Variants in LRP1B observed in about 807,000 individuals in gnomAD.
LRP1B encodes LDL receptor related protein 1B, also known as low-density lipoprotein receptor-related protein 1B.
Under a neutral mutation model 556.6 loss-of-function variants are expected in LRP1B, and 217 were observed. The observed-to-expected ratio is 0.39, with a 90% CI of 0.35 to 0.44. The LOEUF is 0.44. Ranked by LOEUF, LRP1B falls within the 20% of genes least tolerant of loss-of-function variation. LRP1B has a pLI of 1.00. For synonymous variants in LRP1B, 2,047 were observed against 1,865.8 expected (o/e 1.10, Z -2.50); for missense variants, 5,053 against 5,620.8 (o/e 0.90, Z 3.23).
intron 23 of LRP1B, among the ~76,000 whole-genome samples, chr2:140,890,693 T>C (rs781437222): frequency 3.3e-5 from 5 of 152,074 alleles, no homozygotes; most frequent in African/African-American, 4.8e-5. Flanking sequence ...TAAAGATCTA[T>C]GTTGACTTAT....
chr2:140,896,779 C>T (rs1693967242), intron 23 of LRP1B, among the ~76,000 whole-genome samples: 1 of 151,450 alleles, frequency 6.6e-6, no homozygotes, highest in East Asian at 1.9e-4. Flanking sequence ...CCATGCCCAG[C>T]CAAAAGCCTG....
chr2:141,353,352 C>T (rs1286962615), intron 3 of LRP1B, among the ~76,000 whole-genome samples: 1 of 151,876 alleles, frequency 6.6e-6, no homozygotes, highest in African/African-American at 2.4e-5. Context: ...AGAGGGGAGC[C>T]ACCAGCCACC....
intron 41 of LRP1B, among the ~76,000 whole-genome samples, chr2:140,645,477 A>T (rs796993417): frequency 2.0e-5 from 3 of 150,880 alleles, no homozygotes. Context: ...CTGAGTAAGA[A>T]ATTATTCTTT....
chr2:140,795,077 A>T (rs1573728492), intron 32 of LRP1B, among the ~76,000 whole-genome samples: 1 of 152,316 alleles, frequency 6.6e-6, no homozygotes, highest in African/African-American at 2.4e-5. Flanking sequence ...TGATTTTTTT[A>T]AATCTAATTT....
intron 35 of LRP1B, among the ~76,000 whole-genome samples, chr2:140,761,117 C>T (rs751585269): frequency 6.6e-6 from 1 of 152,094 alleles, no homozygotes; most frequent in East Asian, 1.9e-4. Flanking sequence ...TAATTTCTGC[C>T]TAAAGGACTT....
chr2:141,887,247 T>C (rs1218697987), intron 1 of LRP1B, among the ~76,000 whole-genome samples: 8 of 152,090 alleles, frequency 5.3e-5, no homozygotes, highest in Admixed American at 4.6e-4. Context: ...CCGCCAGCCT[T>C]GGGCTCCCGA....
intron 43 of LRP1B, among the ~76,000 whole-genome samples, chr2:140,576,360 A>C (rs1028054090): frequency 6.6e-6 from 1 of 152,202 alleles, no homozygotes; most frequent in Non-Finnish European, 1.5e-5. Flanking sequence ...GTAAGACGTA[A>C]GTCAGAGAAA....
intron 2 of LRP1B, among the ~76,000 whole-genome samples, chr2:141,597,076 ACACACAC>A (rs1204364670): frequency 1.3e-5 from 2 of 151,066 alleles, no homozygotes; most frequent in African/African-American, 2.5e-5. Flanking sequence ...ACACACACAC[ACACACAC>A]ATCTGCATTC....
At chr2:140,399,330 C>T (rs1684395301) in intron 66 of LRP1B, among the ~76,000 whole-genome samples, 1 of 152,094 alleles carries the variant, frequency 6.6e-6, no homozygotes, top group African/African-American at 2.4e-5. Flanking sequence ...CTGCTAGTAT[C>T]ATCTGGCATC....
At chr2:141,663,511 C>A (rs1690303771) in intron 2 of LRP1B, among the ~76,000 whole-genome samples, 1 of 152,026 alleles carries the variant, frequency 6.6e-6, no homozygotes, top group Admixed American at 6.6e-5. Context: ...GAGAATATCA[C>A]CACTGACCCC....
intron 7 of LRP1B, among the ~76,000 whole-genome samples, chr2:141,072,919 T>C (rs529045013): frequency 6.6e-6 from 1 of 152,242 alleles, no homozygotes; most frequent in South Asian, 2.1e-4. Flanking sequence ...TTTAGTCCAA[T>C]GCAGGGGAGA....
At chr2:140,540,151 C>T (rs1468440808) in intron 45 of LRP1B, among the ~76,000 whole-genome samples, 3 of 151,944 alleles carry the variant, frequency 2.0e-5, no homozygotes, top group African/African-American at 7.2e-5. Flanking sequence ...ATATCCAACT[C>T]TGTTAATTTT....
At chr2:140,409,285 A>G (rs1684873925) in intron 66 of LRP1B, among the ~76,000 whole-genome samples, 1 of 151,930 alleles carries the variant, frequency 6.6e-6, no homozygotes, top group African/African-American at 2.4e-5. Flanking sequence ...CGGTGATGTG[A>G]TATCTACTGA....
At chr2:141,196,498 T>A (rs535629244) in intron 6 of LRP1B, among the ~76,000 whole-genome samples, 54 of 152,264 alleles carry the variant, frequency 3.5e-4, no homozygotes, top group African/African-American at 1.3e-3. Context: ...ATTCAGTCTT[T>A]ATATAATTAT....
At position 142,125,415 on chromosome 2, in the gene LRP1B, T is replaced by G. The variant is rs376982975; in HGVS notation, c.82+5233A>C. Among the ~76,000 whole-genome samples, 19 of 151,858 alleles carry G rather than the reference T, an allele frequency of 1.3e-4. No individual in the cohort carries two copies. In the East Asian group the frequency reaches 3.3e-3, roughly 26 times the overall value. ...AACAGAGATTCAATACTATTGCAAG[T>G]ATAATACTTTTCAAAATTGAGTGAG... On this transcript the variant is annotated intron_variant, in intron 1 of 90. Coordinates refer to ENST00000389484, the MANE Select transcript of LRP1B (RefSeq NM_018557.3).
chr2:140,422,156 A>G (rs1481453571), intron 66 of LRP1B, among the ~76,000 whole-genome samples: 2 of 152,236 alleles, frequency 1.3e-5, no homozygotes, highest in African/African-American at 4.8e-5. Flanking sequence ...ATATTAGAGA[A>G]TAGAAGATAC....
At chr2:142,116,420 A>G (rs111809959) in intron 1 of LRP1B, among the ~76,000 whole-genome samples, 4 of 152,026 alleles carry the variant, frequency 2.6e-5, no homozygotes, top group Non-Finnish European at 4.4e-5. Flanking sequence ...CAGTCCTCAA[A>G]TGAGCCCAGG....
intron 2 of LRP1B, among the ~76,000 whole-genome samples, chr2:141,669,341 C>T (rs1478244927): frequency 6.6e-6 from 1 of 152,132 alleles, no homozygotes; most frequent in Non-Finnish European, 1.5e-5. Flanking sequence ...AAGAAACCAA[C>T]CCTGACAACA....
chr2:140,404,217 C>T (rs1684633022), intron 66 of LRP1B, among the ~76,000 whole-genome samples: 1 of 143,610 alleles, frequency 7.0e-6, no homozygotes, highest in South Asian at 2.3e-4. Flanking sequence ...CTCTGTCTCC[C>T]AGGCTGGAGT....
Sources: allele counts gnomAD v4.1 joint callset (sites outside exome capture counted in the v4.1 genomes callset), GRCh38; gene constraint gnomAD v4.1.1; transcripts MANE v1.5; gene names NCBI Gene and HGNC (gene_info 2026-07-23, HGNC 2026-07-21).